UNC5C: variants seen among roughly 807,000 people sequenced by gnomAD.
The protein encoded by UNC5C is unc-5 netrin receptor C.
Under a neutral mutation model 99.8 loss-of-function variants are expected in UNC5C, and 47 were observed. The observed-to-expected ratio is 0.47, with a 90% CI of 0.37 to 0.60. The LOEUF is 0.60. Among genes scored for constraint, UNC5C ranks in the 20% least tolerant of loss-of-function variants. UNC5C has a pLI of 0.00. For synonymous variants in UNC5C, 487 were observed against 452.2 expected, an observed-to-expected ratio of 1.08 and a Z score of -0.98; for missense variants, 1,062 against 1,165.9, an observed-to-expected ratio of 0.91 and a Z score of 1.30.
chr4:95,478,235 T>C (rs748598837), intron 1 of UNC5C, among the ~76,000 whole-genome samples: 48 of 151,930 alleles, frequency 3.2e-4, no homozygotes, highest in Non-Finnish European at 6.0e-4. Flanking sequence ...TTTTTTACTC[T>C]AGTAATCCTT....
At chr4:95,312,000 T>C (rs1025829616) in intron 2 of UNC5C, among the ~76,000 whole-genome samples, 7 of 151,614 alleles carry the variant, frequency 4.6e-5, no homozygotes, top group South Asian at 2.1e-4. Context: ...TGAGCTATGA[T>C]TGCACCATTG....
At chr4:95,179,734 A>C (rs570045465) in intron 14 of UNC5C, among the ~76,000 whole-genome samples, 1 of 142,850 alleles carries the variant, frequency 7.0e-6, no homozygotes, top group African/African-American at 2.5e-5. Context: ...GCCACAGAGC[A>C]AGACTCCTTC....
At chr4:95,287,350 C>T (rs1741273975) in intron 3 of UNC5C, among the ~76,000 whole-genome samples, 1 of 152,174 alleles carries the variant, frequency 6.6e-6, no homozygotes, top group East Asian at 1.9e-4. Flanking sequence ...TTCTTGATGG[C>T]TGAAAAGACA....
intron 1 of UNC5C, among the ~76,000 whole-genome samples, chr4:95,345,454 T>C (rs1272136581): frequency 6.6e-6 from 1 of 151,876 alleles, no homozygotes; most frequent in African/African-American, 2.4e-5. Flanking sequence ...ATCATCCAGA[T>C]GGAAAACCAA....
intron 1 of UNC5C, among the ~76,000 whole-genome samples, chr4:95,356,559 T>C (rs1361385480): frequency 6.6e-6 from 1 of 152,172 alleles, no homozygotes; most frequent in East Asian, 1.9e-4. Context: ...ATTCATATTC[T>C]ATAAACAAAA....
chr4:95,305,482 A>G (rs1029052723), intron 2 of UNC5C, among the ~76,000 whole-genome samples: 1 of 152,146 alleles, frequency 6.6e-6, no homozygotes, highest in African/African-American at 2.4e-5. Context: ...TGCCATCAGC[A>G]TTACTTCTAA....
chr4:95,361,931 A>T (rs901271987), intron 1 of UNC5C, among the ~76,000 whole-genome samples: 4 of 151,626 alleles, frequency 2.6e-5, no homozygotes, highest in African/African-American at 9.7e-5. Context: ...ATGCTACGTG[A>T]CGTATATATA....
At chr4:95,446,432 A>C (rs1158585541) in intron 1 of UNC5C, among the ~76,000 whole-genome samples, 2 of 152,212 alleles carry the variant, frequency 1.3e-5, no homozygotes. Context: ...TAAGCTCATA[A>C]TGATGATTAT....
At chr4:95,493,992 T>C (rs1721570689) in intron 1 of UNC5C, among the ~76,000 whole-genome samples, 1 of 151,492 alleles carries the variant, frequency 6.6e-6, no homozygotes, top group Non-Finnish European at 1.5e-5. Flanking sequence ...ATACATTTCA[T>C]GATTAAATTT....
At chr4:95,266,935 A>G (rs1264693163) in intron 4 of UNC5C, among the ~76,000 whole-genome samples, 4 of 152,130 alleles carry the variant, frequency 2.6e-5, no homozygotes, top group Non-Finnish European at 5.9e-5. Flanking sequence ...TCTCACTTCC[A>G]TTCACTCCCC....
At chr4:95,452,213 T>G (rs1747298087) in intron 1 of UNC5C, among the ~76,000 whole-genome samples, 1 of 152,108 alleles carries the variant, frequency 6.6e-6, no homozygotes, top group African/African-American at 2.4e-5. Flanking sequence ...TGTAACAATT[T>G]ATTTGAAATC....
chr4:95,404,990 C>A lies in UNC5C; in HGVS notation c.125-69359G>T, dbSNP rs143103977. On this transcript the variant is annotated intron_variant, in intron 1 of 15. Transcript: ENST00000453304. ...GGATCACTTTCCCACTCCATGCCCC[C>A]CTTCCAGCTTCCCATCCATCCTGCT... 1.6e-4 allele frequency among the ~76,000 whole-genome samples: 25 copies of A among 152,300 alleles called. No individual in the cohort carries two copies. In the East Asian group the frequency reaches 4.8e-3, roughly 29 times the overall value.
intron 7 of UNC5C, among the ~76,000 whole-genome samples, chr4:95,235,849 G>T (rs1213533163): frequency 6.6e-6 from 1 of 152,046 alleles, no homozygotes; most frequent in Non-Finnish European, 1.5e-5. Flanking sequence ...ATCATCACTG[G>T]CCATCAGAGA....
chr4:95,532,288 ACC>A (rs1722666992), intron 1 of UNC5C, among the ~76,000 whole-genome samples: 1 of 152,040 alleles, frequency 6.6e-6, no homozygotes, highest in Non-Finnish European at 1.5e-5. Context: ...CTTGATTTCC[ACC>A]TACAACTTCA....
At chr4:95,483,038 A>ATAATAT (rs1553979893) in intron 1 of UNC5C, among the ~76,000 whole-genome samples, 13 of 81,050 alleles carry the variant, frequency 1.6e-4, no homozygotes, top group Non-Finnish European at 2.8e-4. Flanking sequence ...AATAATAATA[A>ATAATAT]TAATAAAAAC....
intron 14 of UNC5C, among the ~76,000 whole-genome samples, chr4:95,179,631 C>T (rs1736522683): frequency 6.6e-6 from 1 of 151,324 alleles, no homozygotes; most frequent in African/African-American, 2.4e-5. Flanking sequence ...CCTGTGATCC[C>T]AGCTACTCAG....
chr4:95,493,350 A>G (rs1721550788), intron 1 of UNC5C, among the ~76,000 whole-genome samples: 2 of 151,440 alleles, frequency 1.3e-5, no homozygotes, highest in African/African-American at 2.4e-5. Context: ...CAACAATCCA[A>G]TTACAATGCG....
intron 1 of UNC5C, among the ~76,000 whole-genome samples, chr4:95,518,639 T>C (rs759745552): frequency 6.6e-6 from 1 of 152,174 alleles, no homozygotes; most frequent in Non-Finnish European, 1.5e-5. Context: ...ATAACAATCA[T>C]TTCACTTTAA....
intron 1 of UNC5C, among the ~76,000 whole-genome samples, chr4:95,509,921 C>T (rs533842420): frequency 3.3e-5 from 5 of 151,936 alleles, no homozygotes; most frequent in Middle Eastern, 6.8e-3. Flanking sequence ...TTGCGTTTCA[C>T]GTCGATAATT....
Sources: gnomAD v4.1 joint callset for allele counts (sites outside exome capture counted in the v4.1 genomes callset) on GRCh38, gnomAD v4.1.1 for gene constraint, MANE v1.5 for transcripts, NCBI Gene and HGNC (gene_info 2026-07-23, HGNC 2026-07-21) for gene names.